NAV1: variants seen among roughly 807,000 people sequenced by gnomAD.
NAV1 encodes the protein neuron navigator 1, also known as pore membrane and/or filament interacting like protein 3.
In NAV1, 18 loss-of-function variants were observed where a neutral mutation model predicts 175.2. That is an observed-to-expected ratio of 0.10 (90% CI 0.07 to 0.15). The LOEUF is 0.15. Ranked by LOEUF, NAV1 falls within the 10% of genes least tolerant of loss-of-function variation. The pLI, the probability that NAV1 is intolerant of heterozygous loss-of-function variation, is 1.00. For synonymous variants in NAV1, 897 were observed against 978.7 expected, an observed-to-expected ratio of 0.92 and a Z score of 1.56; for missense variants, 1,731 against 2,436.6, an observed-to-expected ratio of 0.71 and a Z score of 6.10.
chr1:201,768,337 A>G (rs1226951436), intron 3 of NAV1, among the ~76,000 whole-genome samples: 1 of 150,490 alleles, frequency 6.6e-6, no homozygotes, highest in East Asian at 2.0e-4. Context: ...CTCAGAGAAA[A>G]AAAAAAAAAA....
Position 201,779,898 on chromosome 1 carries a change from G to T in NAV1, c.1227-523G>T, listed in dbSNP as rs554755086. Among the ~76,000 whole-genome samples, 11 of 152,222 alleles carry T rather than the reference G, an allele frequency of 7.2e-5. No homozygotes were observed. The East Asian group carries it at 1.9e-3, about 27-fold the overall frequency. The stretch of plus-strand genomic sequence containing the variant: ...TATGTTCTGTTTAGAAGCAGGACCC[G>T]ATCCCAGGATAGGGTGAACTGCATA... On this transcript the variant is annotated intron_variant, in intron 3 of 29. Transcript: ENST00000367296.
At position 201,683,194 on chromosome 1, in the gene NAV1, T is replaced by C. The variant is rs117328633; in HGVS notation, c.758-29623T>C. On this transcript the variant is annotated intron_variant, in intron 1 of 29. Transcript: ENST00000367296. ...TTTGAAGAGTACTGGTCAGGTATTTTGCAGAATGTCCTGCAGTGGTTTTAA... is the reference window on the plus strand; with the variant it reads ...TTTGAAGAGTACTGGTCAGGTATTTCGCAGAATGTCCTGCAGTGGTTTTAA... 8.5e-5 allele frequency among the ~76,000 whole-genome samples: 13 copies of C among 152,356 alleles called. No individual in the cohort carries two copies. In the East Asian group the frequency reaches 2.3e-3, roughly 27 times the overall value.
chr1:201,811,249 G>A (rs1351870300), intron 24 of NAV1, among the ~76,000 whole-genome samples: 1 of 152,164 alleles, frequency 6.6e-6, no homozygotes, highest in Non-Finnish European at 1.5e-5. Context: ...GCCAAAACCT[G>A]ATGATGTCTC....
At chr1:201,648,698 G>A (rs1226634910) in exon 1 of NAV1, 4 of 1,426,210 alleles carry the variant, frequency 2.8e-6, no homozygotes, top group Admixed American at 5.7e-5. Context: ...AGAGCGTGCA[G>A]CCCGAGGTGG....
At chr1:201,728,070 A>T (rs752685273) in intron 3 of NAV1, among the ~76,000 whole-genome samples, 1 of 152,216 alleles carries the variant, frequency 6.6e-6, no homozygotes, top group Non-Finnish European at 1.5e-5. Flanking sequence ...GTGTGGAGTT[A>T]GATTCCTGGG....
intron 1 of NAV1, among the ~76,000 whole-genome samples, chr1:201,547,919 G>A (rs760886076): frequency 4.6e-5 from 7 of 152,046 alleles, no homozygotes; most frequent in African/African-American, 1.2e-4. Flanking sequence ...TCAGCCTTCC[G>A]GGTAGCTGGG....
chr1:201,642,201 CTTT>C lies in NAV1; in HGVS notation c.5-6432_5-6430del, dbSNP rs1419527689. Among the ~76,000 whole-genome samples, 311 of 137,594 alleles carry C rather than the reference CTTT, an allele frequency of 2.3e-3. 3 individuals are homozygous for C. The highest frequency in any genetic ancestry group is 8.5e-3 in the African/African-American group (301 of 35,494). The allele number at this position is 137,594 out of a possible 152,430, so 90.3% of individuals were successfully genotyped here. On this transcript the variant is annotated intron_variant, in intron 2 of 29. Coordinates refer to the NAV1 transcript ENST00000367302. ...CCTTCCTTCCTTCCCTCCTTTCTTC[CTTT>C]CTTCCTTCCCTCCTTTCTTCCTTTC...
At chr1:201,725,085 C>T (rs1255921979) in intron 3 of NAV1, among the ~76,000 whole-genome samples, 4 of 152,216 alleles carry the variant, frequency 2.6e-5, no homozygotes, top group Non-Finnish European at 5.9e-5. Flanking sequence ...GCATTCACTG[C>T]CCTCCCACTT....
At chr1:201,714,563 A>C (rs893264527) in intron 2 of NAV1, among the ~76,000 whole-genome samples, 1 of 152,136 alleles carries the variant, frequency 6.6e-6, no homozygotes, top group African/African-American at 2.4e-5. Flanking sequence ...ACCCCCTTAC[A>C]TCTGTCCCTT....
At position 201,718,464 on chromosome 1, in the gene NAV1, C is replaced by T; in HGVS notation, c.935C>T (p.Ser312Phe). 6.3e-7 allele frequency: 1 copy of T among 1,581,254 alleles called. No individual in the cohort carries two copies. The highest frequency in any genetic ancestry group is 8.6e-7 in the Non-Finnish European group (1 of 1,157,286). ...GTGTCCAGCCTCTCCAACCGCTCGTCCCCTCTGTCATGGCGCTATGGCCAG... is the reference window on the plus strand; with the variant it reads ...GTGTCCAGCCTCTCCAACCGCTCGTTCCCTCTGTCATGGCGCTATGGCCAG... Residue 312 changes from serine to phenylalanine, a missense_variant, in exon 3 of 30, where the codon TCC becomes TTC. Ser to Phe is a radical substitution (Grantham distance 155). Coordinates refer to ENST00000367296, the Ensembl canonical transcript of NAV1. The surrounding 1 kb of genome is among the most constrained non-coding windows in gnomAD (Gnocchi z 4.8).
intron 17 of NAV1, among the ~76,000 whole-genome samples, chr1:201,804,828 A>G (rs538046817): frequency 6.6e-6 from 1 of 152,230 alleles, no homozygotes; most frequent in Non-Finnish European, 1.5e-5. Context: ...TATCCAGAAA[A>G]TGAACCTTCT....
chr1:201,624,335 G>A (rs1424376511), intron 1 of NAV1, among the ~76,000 whole-genome samples: 4 of 130,732 alleles, frequency 3.1e-5, no homozygotes, highest in South Asian at 2.5e-4. Context: ...AGTCAACTAC[G>A]CTTTTTTTTT....
chr1:201,642,267 C>T (rs1259027849), intron 2 of NAV1, among the ~76,000 whole-genome samples: 1 of 150,734 alleles, frequency 6.6e-6, no homozygotes, highest in Non-Finnish European at 1.5e-5. Flanking sequence ...GGCTGGAGTG[C>T]AGTGGCGCGA....
intron 3 of NAV1, among the ~76,000 whole-genome samples, chr1:201,727,051 C>T (rs141885038): frequency 6.6e-6 from 1 of 152,160 alleles, no homozygotes; most frequent in Non-Finnish European, 1.5e-5. Flanking sequence ...TTTCCTCAGC[C>T]GAAAACTGTG....
At position 201,740,453 on chromosome 1, in the gene NAV1, C is replaced by G. The variant is rs1402975086; in HGVS notation, c.1226+21698C>G. ...GTTGCGGCTGTGGCGCGTGGGGGCC[C>G]GGCCTGTGAGGGTCGGGGGTCCTGG... On this transcript the variant is annotated intron_variant, in intron 3 of 29. Coordinates refer to ENST00000367296, the Ensembl canonical transcript of NAV1. The surrounding 1 kb of genome is among the most constrained non-coding windows in gnomAD (Gnocchi z 4.7). Among the ~76,000 whole-genome samples the G allele has an allele frequency of 6.6e-6, 1 of 152,136 alleles. No individual in the cohort carries two copies. The highest frequency in any genetic ancestry group is 2.4e-5 in the African/African-American group (1 of 41,434).
intron 3 of NAV1, among the ~76,000 whole-genome samples, chr1:201,768,058 C>T (rs1305956400): frequency 1.3e-5 from 2 of 152,182 alleles, no homozygotes; most frequent in Non-Finnish European, 2.9e-5. Flanking sequence ...GGCATGGTGG[C>T]TTATGCCTGT....
rs996290318 is a variant in NAV1, at chr1:201,771,513, A to C, written c.1227-8908A>C. ...AGACTTCGTCTAGAAAAAAAAAAAA[A>C]AAAAAAAAACTGGTGAACTGACCTA... On this transcript the variant is annotated intron_variant, in intron 3 of 29. Coordinates refer to ENST00000367296, the Ensembl canonical transcript of NAV1. Among the ~76,000 whole-genome samples, 250 of 151,804 alleles carry C rather than the reference A, an allele frequency of 1.6e-3. 1 individual carries two copies. The highest frequency in any genetic ancestry group is 2.7e-3 in the Non-Finnish European group (183 of 67,926).
At chr1:201,684,054 G>GT (rs1558063936) in intron 1 of NAV1, among the ~76,000 whole-genome samples, 1 of 152,148 alleles carries the variant, frequency 6.6e-6, no homozygotes, top group Non-Finnish European at 1.5e-5. Context: ...AGCTTTGGCT[G>GT]TTAGGGGAGC....
intron 1 of NAV1, among the ~76,000 whole-genome samples, chr1:201,684,961 CAAA>C (rs35153455): frequency 4.2e-5 from 5 of 119,182 alleles, no homozygotes; most frequent in Admixed American, 8.6e-5. Context: ...GACTCTGTCT[CAAA>C]AAAAAAAAAA....
Sources: gnomAD v4.1 joint callset for allele counts (sites outside exome capture counted in the v4.1 genomes callset) on GRCh38, gnomAD v4.1.1 for gene constraint, Gnocchi (gnomAD v3.1) non-coding constraint, MANE v1.5 for transcripts, NCBI Gene and HGNC (gene_info 2026-07-23, HGNC 2026-07-21) for gene names.